Variants in MAPK10 observed in about 807,000 individuals in gnomAD.
MAPK10 encodes JNK3 alpha protein kinase.
Under a neutral mutation model 59.3 loss-of-function variants are expected in MAPK10, and 25 were observed. The ratio of observed to expected loss-of-function variants is 0.42; its 90% confidence interval spans 0.31 to 0.59. MAPK10 has a LOEUF of 0.59. Ranked by LOEUF, MAPK10 falls within the 20% of genes least tolerant of loss-of-function variation. MAPK10 has a pLI of 0.15. For missense variants in MAPK10, 351 were observed against 568.9 expected (o/e 0.62, Z 3.90); for synonymous variants, 190 against 200.5 (o/e 0.95, Z 0.44).
chr4:86,575,998 C>CGTGTGTGTGTGTGT (rs56886437), intron 1 of MAPK10, among the ~76,000 whole-genome samples: 2,763 of 147,338 alleles, frequency 0.019, 32 homozygotes, highest in Middle Eastern at 0.025. Context: ...TGTGTGTATG[C>CGTGTGTGTGTGTGT]GTGTGTGTGT....
At chr4:86,530,266 T>C (rs1387695089) in intron 1 of MAPK10, among the ~76,000 whole-genome samples, 1 of 152,166 alleles carries the variant, frequency 6.6e-6, no homozygotes, top group Non-Finnish European at 1.5e-5. Context: ...GGTTAATATA[T>C]AAGCCCCATG....
In MAPK10 at chr4:86,507,159, C is replaced by T. The variant is rs111596014; in HGVS notation, c.-263+86751G>A. Among the ~76,000 whole-genome samples the T allele has an allele frequency of 8.3e-4, 126 of 151,798 alleles. 1 individual carries two copies. The highest frequency in any genetic ancestry group is 2.8e-3 in the African/African-American group (118 of 41,412). ...AATTACTACATATCCAACATAAGAA[C>T]AACCCAATAAAAATAGATTAAAAGA... is the stretch of plus-strand genomic sequence containing the variant. On this transcript the variant is annotated intron_variant, in intron 1 of 4. Coordinates refer to the MAPK10 transcript ENST00000502302.
At chr4:86,584,088 A>C (rs1762499929) in intron 1 of MAPK10, among the ~76,000 whole-genome samples, 1 of 152,162 alleles carries the variant, frequency 6.6e-6, no homozygotes, top group Admixed American at 6.5e-5. Flanking sequence ...TAATCCATAT[A>C]AAATAGTTAA....
rs189586460 is a variant in MAPK10 at position 86,055,870 on chromosome 4, A to G, written c.1110+8396T>C. 1.3e-5 allele frequency among the ~76,000 whole-genome samples: 2 copies of G among 150,094 alleles called. 1 individual carries two copies. Among genetic ancestry groups the G allele is most frequent in the Non-Finnish European group, 3.0e-5 (2 of 67,590 alleles). ...CTTGAGAGTTGCTATTAAATTTTATATAATAAACTTCACTTGCAAACTGAC... is the reference window on the plus strand; with the variant it reads ...CTTGAGAGTTGCTATTAAATTTTATGTAATAAACTTCACTTGCAAACTGAC... On this transcript the variant is annotated intron_variant, in intron 11 of 13. Transcript: ENST00000641462.
At chr4:86,033,006 T>C (rs1355994201) in intron 11 of MAPK10, among the ~76,000 whole-genome samples, 11 of 151,838 alleles carry the variant, frequency 7.2e-5, no homozygotes, top group Admixed American at 7.2e-4. Flanking sequence ...CAGACAATAG[T>C]AAGAACACAA....
chr4:86,191,728 T>A (rs1408564561), intron 3 of MAPK10: 3 of 152,006 alleles, frequency 2.0e-5, no homozygotes, highest in Non-Finnish European at 4.4e-5. Context: ...CAATCCAATT[T>A]GCCAGTCTGT....
intron 4 of MAPK10, among the ~76,000 whole-genome samples, chr4:86,155,766 G>T (rs1028759141): frequency 6.6e-6 from 1 of 152,010 alleles, no homozygotes; most frequent in African/African-American, 2.4e-5. Context: ...TCATTAAGTT[G>T]GGAACTTTCA....
At chr4:86,421,606 A>G (rs189889872) in intron 1 of MAPK10, among the ~76,000 whole-genome samples, 264 of 152,210 alleles carry the variant, frequency 1.7e-3, no homozygotes, top group Middle Eastern at 6.8e-3. Context: ...CTCAGGGAAG[A>G]AGGAGGCTGC....
At position 86,475,798 on chromosome 4, in the gene MAPK10, C is replaced by G. The variant is rs1200462047; in HGVS notation, c.-263+118112G>C. Among the ~76,000 whole-genome samples, 8 of 152,036 alleles carry G rather than the reference C, an allele frequency of 5.3e-5. No individual in the cohort carries two copies. In the East Asian group the frequency reaches 1.4e-3, roughly 26 times the overall value. ...CCCCTTCTCTCCATGTCTCTACTCT[C>G]TCTTTTCTCTGGGCTTGCCTCCTTC... On this transcript the variant is annotated intron_variant, in intron 1 of 4. Coordinates refer to the MAPK10 transcript ENST00000502302.
chr4:86,465,767 G>A (rs140182522), intron 1 of MAPK10, among the ~76,000 whole-genome samples: 85 of 152,246 alleles, frequency 5.6e-4, no homozygotes, highest in South Asian at 2.5e-3. Context: ...AAGAGATTCC[G>A]GGAGGATCCT....
At chr4:86,185,539 G>A (rs1356132989) in intron 3 of MAPK10, among the ~76,000 whole-genome samples, 2 of 152,102 alleles carry the variant, frequency 1.3e-5, no homozygotes, top group African/African-American at 4.8e-5. Context: ...TTTAGTTTTA[G>A]TCAAGGAGTG....
At chr4:86,025,778 T>C (rs1408597724) in intron 13 of MAPK10, among the ~76,000 whole-genome samples, 1 of 151,978 alleles carries the variant, frequency 6.6e-6, no homozygotes, top group Non-Finnish European at 1.5e-5. Flanking sequence ...CTAAAGAAAA[T>C]TTCTCAGCTA....
chr4:86,120,953 GAAAT>G (rs1249213894), intron 4 of MAPK10, among the ~76,000 whole-genome samples: 2 of 152,052 alleles, frequency 1.3e-5, no homozygotes, highest in Non-Finnish European at 1.5e-5. Flanking sequence ...CCTTCCGACA[GAAAT>G]AAATAAAATT....
chr4:86,311,035 TACAC>T lies in MAPK10; in HGVS notation c.-7+43491_-7+43494del, dbSNP rs143712904. Among the ~76,000 whole-genome samples, 1,064 of 141,924 alleles carry T rather than the reference TACAC, an allele frequency of 7.5e-3. 10 individuals are homozygous for T. The highest frequency in any genetic ancestry group is 0.021 in the African/African-American group (813 of 38,620). The allele number at this position is 141,924 out of a possible 152,430, so 93.1% of individuals were successfully genotyped here. A position where few individuals can be genotyped will look rare whatever the true frequency, so the allele number is the denominator to read the frequency against. ...ACTATATGATTACACAGTTTTAAGT[TACAC>T]ACACACACACACACACACACACACA... is the stretch of plus-strand genomic sequence containing the variant. On this transcript the variant is annotated intron_variant, in intron 2 of 13. Coordinates refer to ENST00000641462, the MANE Select transcript of MAPK10 (RefSeq NM_138982.4).
chr4:86,590,306 T>G (rs1185659790), intron 1 of MAPK10, among the ~76,000 whole-genome samples: 1 of 152,186 alleles, frequency 6.6e-6, no homozygotes, highest in East Asian at 1.9e-4. Flanking sequence ...CTGTACCTAG[T>G]TGACTGCTTG....
At chr4:86,401,443 T>C (rs1378153374) in intron 1 of MAPK10, among the ~76,000 whole-genome samples, 1 of 152,180 alleles carries the variant, frequency 6.6e-6, no homozygotes, top group Non-Finnish European at 1.5e-5. Flanking sequence ...TGTTAAAAAT[T>C]ACAATTGGTA....
intron 2 of MAPK10, chr4:86,300,747 C>G (rs2095454212): frequency 6.6e-6 from 1 of 151,998 alleles, no homozygotes; most frequent in South Asian, 2.1e-4. Context: ...GCTTTTCCAC[C>G]ACCTGGAATG....
chr4:86,576,491 T>C (rs1183087272), intron 1 of MAPK10, among the ~76,000 whole-genome samples: 1 of 152,098 alleles, frequency 6.6e-6, no homozygotes, highest in Non-Finnish European at 1.5e-5. Flanking sequence ...CGGCCTATAG[T>C]AGGCCGGGCG....
At chr4:86,271,052 G>A (rs1399200384) in intron 2 of MAPK10, among the ~76,000 whole-genome samples, 3 of 151,938 alleles carry the variant, frequency 2.0e-5, no homozygotes, top group Admixed American at 6.6e-5. Flanking sequence ...TAAAATTCCT[G>A]GAGCAGAGGT....
Sources: gnomAD v4.1 joint callset for allele counts (sites outside exome capture counted in the v4.1 genomes callset) on GRCh38, gnomAD v4.1.1 for gene constraint, MANE v1.5 for transcripts, NCBI Gene and HGNC (gene_info 2026-07-23, HGNC 2026-07-21) for gene names.